Variants in LRP5 observed in about 807,000 individuals in gnomAD.
The protein encoded by LRP5 is low-density lipoprotein receptor-related protein 5.
In LRP5, 62 loss-of-function variants were observed where a neutral mutation model predicts 154.1. That is an observed-to-expected ratio of 0.40 (90% confidence interval 0.33 to 0.50). LRP5 has a LOEUF of 0.50. LRP5 is among the 20% of genes least tolerant of loss of function. The pLI, the probability that LRP5 is intolerant of heterozygous loss-of-function variation, is 0.55. For missense variants in LRP5, 1,915 were observed against 2,336.7 expected (o/e 0.82, Z 3.72); for synonymous variants, 966 against 1,011.5 (o/e 0.96, Z 0.85).
At chr11:68,429,728 G>A (rs1217283549) in intron 17 of LRP5, 28 bp downstream of exon 17, 1 of 1,613,732 alleles carries the variant, frequency 6.2e-7, no homozygotes, top group Non-Finnish European at 8.5e-7. Flanking sequence ...GCTCCTTTGG[G>A]GTGATGGACA....
intron 6 of LRP5, among the ~76,000 whole-genome samples, chr11:68,387,368 G>C (rs1486004873): frequency 6.6e-6 from 1 of 152,186 alleles, no homozygotes; most frequent in Non-Finnish European, 1.5e-5. Flanking sequence ...ACCTGCCTCA[G>C]CCTCCCAAAG....
chr11:68,330,015 C>T (rs2375432), intron 1 of LRP5, among the ~76,000 whole-genome samples: 26 of 152,328 alleles, frequency 1.7e-4, no homozygotes, highest in African/African-American at 5.5e-4. Context: ...TTAGTGAAAA[C>T]GCACATTTGC....
At chr11:68,438,818 C>T (rs1202861923) in intron 20 of LRP5, 136 bp downstream of exon 20, 2 of 766,398 alleles carry the variant, frequency 2.6e-6, no homozygotes, top group Non-Finnish European at 4.2e-6. Context: ...TCACAGCATT[C>T]AGCCTTTCCC....
intron 7 of LRP5, among the ~76,000 whole-genome samples, chr11:68,397,098 C>A (rs928168605): frequency 3.9e-5 from 6 of 152,160 alleles, no homozygotes; most frequent in African/African-American, 1.4e-4. Context: ...CCCTGGGACA[C>A]CTGCAGCCAC....
At chr11:68,304,069 TAGGCCTCAGAGGCAAAA>T in the LRP5 span, among the ~76,000 whole-genome samples, 1 of 152,208 alleles carries the variant, frequency 6.6e-6, no homozygotes, top group African/African-American at 2.4e-5. Flanking sequence ...CAATAGGAAA[TAGGCCTCAGAGGCAAAA>T]AGGCCTCAAA....
Position 68,436,939 on chromosome 11 carries a change from A to G in LRP5, c.4051A>G (p.Ile1351Val), listed in dbSNP as rs769778086. 6.2e-7 allele frequency: 1 copy of G among 1,613,922 alleles called. No homozygotes were observed. The highest frequency in any genetic ancestry group is 1.3e-5 in the African/African-American group (1 of 75,044). ...FRCASGQCVL[I>V]KQQCDSFPDC... Reference sequence around the variant, plus strand: ...GTGTGCGAGCGGCCAGTGTGTCCTCATCAAACAGCAGTGCGACTCCTTCCC... The same window carrying G: ...GTGTGCGAGCGGCCAGTGTGTCCTCGTCAAACAGCAGTGCGACTCCTTCCC... The change falls in exon 19 of 23, where the codon ATC (isoleucine) becomes GTC (valine). Residue 1351 changes from isoleucine (I) to valine (V), a missense_variant. Ile to Val is a conservative substitution (Grantham distance 29). Transcript: ENST00000294304.
At chr11:68,385,802 C>A (rs1185100676) in intron 5 of LRP5, among the ~76,000 whole-genome samples, 1 of 151,958 alleles carries the variant, frequency 6.6e-6, no homozygotes, top group Non-Finnish European at 1.5e-5. Flanking sequence ...CTGAAGCCGC[C>A]CTCGGGTGGT....
chr11:68,401,775 G>A (rs942265287), intron 7 of LRP5, among the ~76,000 whole-genome samples: 4 of 151,912 alleles, frequency 2.6e-5, no homozygotes, highest in African/African-American at 4.8e-5. Flanking sequence ...TGCAATCTTC[G>A]CTAGCTGCGT....
the LRP5 span, among the ~76,000 whole-genome samples, chr11:68,302,858 G>A: frequency 5.9e-5 from 9 of 152,188 alleles, no homozygotes; most frequent in East Asian, 9.6e-4. Flanking sequence ...GTGTGTTCCC[G>A]GGGACCAGAT....
intron 18 of LRP5, among the ~76,000 whole-genome samples, chr11:68,435,019 C>T (rs1591323922): frequency 6.6e-6 from 1 of 152,370 alleles, no homozygotes; most frequent in East Asian, 1.9e-4. Context: ...ATCCAGCCTG[C>T]CACCTACTTT....
At chr11:68,329,122 C>T (rs563842269) in intron 1 of LRP5, among the ~76,000 whole-genome samples, 2 of 152,244 alleles carry the variant, frequency 1.3e-5, no homozygotes, top group Admixed American at 1.3e-4. Context: ...TCGATACTGG[C>T]CTGAATTAAG....
chr11:68,364,349 TAC>T, intron 4 of LRP5, among the ~76,000 whole-genome samples: 1 of 144,462 alleles, frequency 6.9e-6, no homozygotes, highest in Non-Finnish European at 1.5e-5. Context: ...TATTTATATA[TAC>T]ATATATATGT....
intron 9 of LRP5, among the ~76,000 whole-genome samples, chr11:68,408,076 G>T (rs1284401006): frequency 6.6e-6 from 1 of 151,590 alleles, no homozygotes; most frequent in East Asian, 1.9e-4. Context: ...TCTGCTTTTT[G>T]TTGTTGTTGT....
intron 10 of LRP5, among the ~76,000 whole-genome samples, chr11:68,410,841 G>A (rs926072901): frequency 6.6e-6 from 1 of 152,192 alleles, no homozygotes; most frequent in Middle Eastern, 3.2e-3. Flanking sequence ...CCTGCCTGTC[G>A]CCTGTTCTGC....
chr11:68,425,324 A>G (rs1185633902), intron 15 of LRP5, 32 bp downstream of exon 15: 1 of 1,585,946 alleles, frequency 6.3e-7, no homozygotes, highest in Non-Finnish European at 8.5e-7. Context: ...CTAACCGCAG[A>G]CACCCGGCCT....
At position 68,406,593 on chromosome 11, in the gene LRP5, G is replaced by T. The variant is rs748460105; in HGVS notation, c.1871G>T (p.Arg624Leu). Residue 624 changes from arginine (R) to leucine (L), a missense_variant, in exon 9 of 23, where the codon CGG (arginine) becomes CTG (leucine). Arg to Leu is a moderately radical substitution (Grantham distance 102). Around this residue, in one of 3 missense-constraint regions of LRP5, gnomAD observed 773 missense variants for 1,100.9 expected, o/e 0.70. Coordinates refer to ENST00000294304, the MANE Select transcript of LRP5 (RefSeq NM_002335.4). ...HLCFFTPHAT[R>L]CGCPIGLELL... ...TGCTTCTTCACACCCCACGCAACCC[G>T]GTGTGGCTGCCCCATCGGCCTGGAG... 5.6e-6 allele frequency: 9 copies of T among 1,613,986 alleles called. No individual in the cohort carries two copies. The highest frequency in any genetic ancestry group is 3.3e-5 in the South Asian group (3 of 91,082).
chr11:68,362,691 CAAA>C (rs773798166), intron 3 of LRP5, among the ~76,000 whole-genome samples: 4 of 84,230 alleles, frequency 4.7e-5, no homozygotes, highest in African/African-American at 4.4e-5. Flanking sequence ...ACCCCATCTC[CAAA>C]AAAAAAAAAA....
At chr11:68,409,634 G>T (rs2098658283) in intron 9 of LRP5, among the ~76,000 whole-genome samples, 1 of 151,836 alleles carries the variant, frequency 6.6e-6, no homozygotes, top group African/African-American at 2.4e-5. Context: ...ATCAACTGAG[G>T]TCTGGATTTC....
rs1446911922 is a variant in LRP5, at chr11:68,353,900, C to T, written c.489-3750C>T. ...ATGCAGGTGGCCCCGTGCGGACATCCAGGCAGGGTTGAGGGAAGGCACATC... is the reference window on the plus strand; with the variant it reads ...ATGCAGGTGGCCCCGTGCGGACATCTAGGCAGGGTTGAGGGAAGGCACATC... On this transcript the variant is annotated intron_variant, in intron 2 of 22. Coordinates refer to ENST00000294304, the MANE Select transcript of LRP5 (RefSeq NM_002335.4). This position sits in a 1 kb window ranked among gnomAD's most constrained non-coding sequence, Gnocchi z 4.5. 6.6e-6 allele frequency among the ~76,000 whole-genome samples: 1 copy of T among 152,214 alleles called. No homozygotes were observed. The highest frequency in any genetic ancestry group is 1.5e-5 in the Non-Finnish European group (1 of 68,026).
Sources: allele counts gnomAD v4.1 joint callset (sites outside exome capture counted in the v4.1 genomes callset), GRCh38; gene constraint gnomAD v4.1.1; regional missense constraint gnomAD v4.1.1; non-coding constraint Gnocchi (gnomAD v3.1); transcripts MANE v1.5; gene names NCBI Gene and HGNC (gene_info 2026-07-23, HGNC 2026-07-21).